The following ANXA8 variants were observed in gnomAD, a reference collection of about 807,000 sequenced individuals.
ANXA8 encodes the protein annexin A8.
In ANXA8, 9 loss-of-function variants were observed where a neutral mutation model predicts 26.8. That is an observed-to-expected ratio of 0.34 (90% CI 0.20 to 0.59). ANXA8 has a LOEUF of 0.59. ANXA8 is among the 20% of genes least tolerant of loss of function. The pLI is 0.84. For synonymous variants in ANXA8, 39 were observed against 94.8 expected, an observed-to-expected ratio of 0.41 and a Z score of 3.42; for missense variants, 83 against 238.5, an observed-to-expected ratio of 0.35 and a Z score of 4.29.
At chr10:47,694,279 T>C in the ANXA8 span, among the ~76,000 whole-genome samples, 1 of 151,430 alleles carries the variant, frequency 6.6e-6, no homozygotes, top group Non-Finnish European at 1.5e-5. Flanking sequence ...TAAGTTTCTT[T>C]TGTGTGGAAC....
the ANXA8 span, among the ~76,000 whole-genome samples, chr10:47,560,666 T>C: frequency 6.6e-6 from 1 of 152,036 alleles, no homozygotes; most frequent in Non-Finnish European, 1.5e-5. Flanking sequence ...AGGGTGGCGT[T>C]AGCACCCCTC....
the ANXA8 span, among the ~76,000 whole-genome samples, chr10:47,556,253 C>T: frequency 1.5e-4 from 23 of 151,838 alleles, no homozygotes; most frequent in Non-Finnish European, 2.9e-4. Flanking sequence ...GCCTCGCCTC[C>T]CCCTCCCTAG....
chr10:47,680,128 C>T, the ANXA8 span, among the ~76,000 whole-genome samples: 1 of 151,396 alleles, frequency 6.6e-6, no homozygotes, highest in Non-Finnish European at 1.5e-5. Context: ...AGGTGCATGC[C>T]ACCACACCCA....
chr10:47,585,240 A>G, the ANXA8 span, among the ~76,000 whole-genome samples: 3 of 101,928 alleles, frequency 2.9e-5, no homozygotes, highest in East Asian at 2.8e-4. Flanking sequence ...CTCCAGCCTG[A>G]GAGACATAGC....
the ANXA8 span, chr10:47,589,655 C>G: frequency 6.9e-6 from 1 of 145,970 alleles, no homozygotes; most frequent in Admixed American, 6.6e-5. Flanking sequence ...ATTTTGTAGT[C>G]TGTGATTTGG....
the ANXA8 span, among the ~76,000 whole-genome samples, chr10:47,947,992 G>A: frequency 2.0e-5 from 3 of 150,914 alleles, no homozygotes; most frequent in African/African-American, 4.9e-5. Flanking sequence ...GAGCGTCCTT[G>A]TAGAAAATCT....
chr10:47,672,160 C>CA, the ANXA8 span, among the ~76,000 whole-genome samples: 3 of 149,224 alleles, frequency 2.0e-5, no homozygotes, highest in Admixed American at 6.7e-5. Context: ...GGGTCATTTT[C>CA]AAAAAAAGAT....
At chr10:47,768,037 T>G in the ANXA8 span, among the ~76,000 whole-genome samples, 2 of 149,500 alleles carry the variant, frequency 1.3e-5, no homozygotes, top group Non-Finnish European at 3.0e-5. Context: ...TGTTCCAGCT[T>G]CAGTCTCTTG....
At chr10:47,702,495 C>A in the ANXA8 span, among the ~76,000 whole-genome samples, 1 of 151,298 alleles carries the variant, frequency 6.6e-6, no homozygotes, top group Non-Finnish European at 1.5e-5. Flanking sequence ...TACGTGCCAC[C>A]ACGCCCAGAT....
the ANXA8 span, among the ~76,000 whole-genome samples, chr10:47,658,957 C>T: frequency 5.6e-4 from 83 of 149,338 alleles, 1 homozygote; most frequent in African/African-American, 1.8e-3. Flanking sequence ...CTGCAAGCTC[C>T]GCCTCCCAGG....
At chr10:47,664,570 A>AAATAATAAT in the ANXA8 span, among the ~76,000 whole-genome samples, 986 of 137,716 alleles carry the variant, frequency 7.2e-3, 1 homozygote, top group African/African-American at 0.024. Context: ...CTCTGTCTCA[A>AAATAATAAT]AATAATAATA....
the ANXA8 span, among the ~76,000 whole-genome samples, chr10:47,951,303 C>T: frequency 6.6e-6 from 1 of 150,838 alleles, no homozygotes; most frequent in East Asian, 2.0e-4. Context: ...AATTAAAAAC[C>T]TTCACACAAG....
chr10:47,686,855 G>A, the ANXA8 span, among the ~76,000 whole-genome samples: 1 of 151,716 alleles, frequency 6.6e-6, no homozygotes, highest in African/African-American at 2.4e-5. Context: ...TAACAAAATG[G>A]TTGGAGTAGA....
At chr10:47,685,201 C>T in the ANXA8 span, among the ~76,000 whole-genome samples, 49 of 151,074 alleles carry the variant, frequency 3.2e-4, no homozygotes, top group Non-Finnish European at 1.8e-4. Flanking sequence ...ACAAAATTAG[C>T]TGGGCATGGT....
the ANXA8 span, among the ~76,000 whole-genome samples, chr10:47,553,049 G>C: frequency 6.6e-6 from 1 of 152,024 alleles, no homozygotes; most frequent in African/African-American, 2.4e-5. Flanking sequence ...CCGGGAGTTA[G>C]GAGAGCTGGG....
chr10:47,668,955 G>A, the ANXA8 span, among the ~76,000 whole-genome samples: 3 of 151,794 alleles, frequency 2.0e-5, no homozygotes, highest in Non-Finnish European at 4.4e-5. Flanking sequence ...TTAATTTCCT[G>A]TCTGGTGGGA....
chr10:47,954,793 A>C, the ANXA8 span, among the ~76,000 whole-genome samples: 3 of 151,228 alleles, frequency 2.0e-5, no homozygotes, highest in Admixed American at 1.3e-4. Flanking sequence ...AAATATTTAT[A>C]ACAATTTTAG....
At chr10:47,937,162 C>G in the ANXA8 span, among the ~76,000 whole-genome samples, 6 of 149,506 alleles carry the variant, frequency 4.0e-5, no homozygotes, top group African/African-American at 1.2e-4. Context: ...CCCCACCACC[C>G]AGAAGCTATG....
At chr10:47,628,771 TAG>T in the ANXA8 span, among the ~76,000 whole-genome samples, 5 of 149,688 alleles carry the variant, frequency 3.3e-5, no homozygotes, top group Non-Finnish European at 7.4e-5. Context: ...CAAAATCTTC[TAG>T]AGTGAACAAA....
Sources: gnomAD v4.1 joint callset for allele counts (sites outside exome capture counted in the v4.1 genomes callset) on GRCh38, gnomAD v4.1.1 for gene constraint, MANE v1.5 for transcripts, NCBI Gene and HGNC (gene_info 2026-07-23, HGNC 2026-07-21) for gene names.